The following FRMD5 variants were observed in gnomAD, a reference collection of about 807,000 sequenced individuals.
The protein encoded by FRMD5 is FERM domain containing 5.
FRMD5 carries 20 observed loss-of-function variants against 69.0 expected under a neutral mutation model. The ratio of observed to expected loss-of-function variants is 0.29; its 90% CI spans 0.20 to 0.42. The LOEUF is 0.42. Among genes scored for constraint, FRMD5 ranks in the 10% least tolerant of loss-of-function variants. The probability of loss-of-function intolerance (pLI) is 1.00; values close to 1 mark genes in which losing one functional copy is unlikely to be tolerated. For missense variants in FRMD5, 595 were observed against 708.6 expected (o/e 0.84, Z 1.82); for synonymous variants, 271 against 260.1 (o/e 1.04, Z -0.40).
intron 1 of FRMD5, among the ~76,000 whole-genome samples, chr15:44,142,718 A>T (rs1005486168): frequency 6.6e-6 from 1 of 152,200 alleles, no homozygotes; most frequent in Admixed American, 6.5e-5. Context: ...GAGTTCAAAA[A>T]CATTACTTTG....
At chr15:43,940,320 C>T (rs1161203972) in intron 1 of FRMD5, among the ~76,000 whole-genome samples, 1 of 152,110 alleles carries the variant, frequency 6.6e-6, no homozygotes, top group Non-Finnish European at 1.5e-5. Flanking sequence ...GTAATGGGGC[C>T]CTATTTCTTG....
At chr15:43,981,942 G>C (rs1164211214) in intron 1 of FRMD5, among the ~76,000 whole-genome samples, 1 of 152,160 alleles carries the variant, frequency 6.6e-6, no homozygotes, top group African/African-American at 2.4e-5. Flanking sequence ...TGATTTATTT[G>C]ATTAGCTCTG....
chr15:44,105,400 G>A (rs1296233183), intron 1 of FRMD5, among the ~76,000 whole-genome samples: 1 of 152,068 alleles, frequency 6.6e-6, no homozygotes, highest in African/African-American at 2.4e-5. Context: ...AGGTGTGGAA[G>A]GCAAAATTTC....
chr15:44,139,116 A>G (rs2077228910), intron 1 of FRMD5, among the ~76,000 whole-genome samples: 1 of 152,118 alleles, frequency 6.6e-6, no homozygotes. Flanking sequence ...ATCGTATAGT[A>G]TGTGTATTGT....
intron 1 of FRMD5, among the ~76,000 whole-genome samples, chr15:44,048,144 GT>G (rs1193267509): frequency 1.3e-5 from 2 of 152,098 alleles, no homozygotes. Context: ...CTGCCAAACT[GT>G]TTTCCAAAGT....
chr15:44,072,310 T>G (rs573062583), intron 1 of FRMD5, among the ~76,000 whole-genome samples: 1 of 152,326 alleles, frequency 6.6e-6, no homozygotes, highest in East Asian at 1.9e-4. Flanking sequence ...ACAGTCAAAA[T>G]AAGGAACAGG....
At chr15:44,136,248 T>C (rs1033923001) in intron 1 of FRMD5, among the ~76,000 whole-genome samples, 3 of 152,106 alleles carry the variant, frequency 2.0e-5, no homozygotes, top group Non-Finnish European at 2.9e-5. Flanking sequence ...GGTCACAAAC[T>C]CCTGGGTTTA....
intron 1 of FRMD5, among the ~76,000 whole-genome samples, chr15:43,927,752 A>G (rs1279149698): frequency 1.3e-5 from 2 of 151,956 alleles, no homozygotes; most frequent in Non-Finnish European, 2.9e-5. Flanking sequence ...TTAATGAAAA[A>G]ATGTTTTTCA....
intron 1 of FRMD5, among the ~76,000 whole-genome samples, chr15:44,059,392 A>G (rs1303806281): frequency 6.6e-6 from 1 of 152,202 alleles, no homozygotes; most frequent in Non-Finnish European, 1.5e-5. Flanking sequence ...AAGAACTAGA[A>G]TTTTCTCTGG....
chr15:43,905,167 C>A (rs1054610597), intron 6 of FRMD5, among the ~76,000 whole-genome samples: 4 of 145,514 alleles, frequency 2.7e-5, no homozygotes, highest in African/African-American at 1.0e-4. Flanking sequence ...GATGGAGTCT[C>A]GCTCTGTCAC....
At chr15:43,877,995 T>C (rs149030228) in intron 13 of FRMD5, among the ~76,000 whole-genome samples, 1 of 152,336 alleles carries the variant, frequency 6.6e-6, no homozygotes, top group Admixed American at 6.5e-5. Flanking sequence ...CATTTTGTTA[T>C]AATTTTTTTA....
chr15:44,087,384 T>A (rs1443057875), intron 1 of FRMD5, among the ~76,000 whole-genome samples: 1 of 152,094 alleles, frequency 6.6e-6, no homozygotes, highest in Non-Finnish European at 1.5e-5. Context: ...TAATAACATA[T>A]AAACTTAAGA....
intron 1 of FRMD5, among the ~76,000 whole-genome samples, chr15:44,081,056 T>C (rs1296476378): frequency 1.3e-5 from 2 of 152,102 alleles, no homozygotes; most frequent in African/African-American, 4.8e-5. Context: ...CTGAGGATCA[T>C]GGCATAGAGA....
intron 1 of FRMD5, among the ~76,000 whole-genome samples, chr15:44,070,106 T>C (rs908816144): frequency 1.3e-5 from 2 of 152,122 alleles, no homozygotes; most frequent in Admixed American, 1.3e-4. Flanking sequence ...GGCTAACCAT[T>C]TCCAGAGGAT....
intron 1 of FRMD5, among the ~76,000 whole-genome samples, chr15:44,048,131 G>A (rs1892508879): frequency 6.6e-6 from 1 of 152,016 alleles, no homozygotes; most frequent in South Asian, 2.1e-4. Context: ...ACTTATTGAG[G>A]AACTGCCAAA....
At chr15:43,985,721 T>C (rs1408226841) in intron 1 of FRMD5, among the ~76,000 whole-genome samples, 2 of 152,180 alleles carry the variant, frequency 1.3e-5, no homozygotes, top group African/African-American at 4.8e-5. Flanking sequence ...GAAATGTCTA[T>C]TTAATTTGCA....
intron 1 of FRMD5, among the ~76,000 whole-genome samples, chr15:43,967,296 G>C (rs2090310204): frequency 1.3e-5 from 2 of 151,564 alleles, no homozygotes; most frequent in African/African-American, 4.8e-5. Context: ...ACAGTGGCAC[G>C]ATCTCACCTC....
At chr15:44,153,213 G>A (rs1363442625) in intron 1 of FRMD5, among the ~76,000 whole-genome samples, 2 of 151,732 alleles carry the variant, frequency 1.3e-5, no homozygotes, top group African/African-American at 2.4e-5. Context: ...TCTCTGGGTG[G>A]GTATATACTC....
chr15:44,120,668 G>A (rs999525613), intron 1 of FRMD5, among the ~76,000 whole-genome samples: 7 of 150,100 alleles, frequency 4.7e-5, no homozygotes, highest in African/African-American at 1.2e-4. Context: ...GACTACAGGC[G>A]CCTGCCACCA....
Sources: allele counts gnomAD v4.1 joint callset (sites outside exome capture counted in the v4.1 genomes callset), GRCh38; gene constraint gnomAD v4.1.1; transcripts MANE v1.5; gene names NCBI Gene and HGNC (gene_info 2026-07-23, HGNC 2026-07-21).